N4BP1: variants seen among roughly 807,000 people sequenced by gnomAD.
N4BP1 encodes NEDD4-binding protein 1.
N4BP1 carries 21 observed loss-of-function variants against 70.9 expected under a neutral mutation model. That is an observed-to-expected ratio of 0.30 (90% confidence interval 0.21 to 0.43). The LOEUF is 0.43. Among genes scored for constraint, N4BP1 ranks in the 20% least tolerant of loss-of-function variants. The probability of loss-of-function intolerance (pLI) is 1.00; values close to 1 mark genes in which losing one functional copy is unlikely to be tolerated. For missense variants in N4BP1, 936 were observed against 1,069.4 expected (o/e 0.88, Z 1.74); for synonymous variants, 387 against 394.6 (o/e 0.98, Z 0.23).
intron 1 of N4BP1, among the ~76,000 whole-genome samples, chr16:48,573,746 AT>A (rs1488436275): frequency 6.6e-6 from 1 of 152,214 alleles, no homozygotes; most frequent in African/African-American, 2.4e-5. Context: ...CTTACTGTTG[AT>A]TAGAGGCCTC....
chr16:48,585,943 G>A (rs369310306), intron 1 of N4BP1, among the ~76,000 whole-genome samples: 31 of 152,116 alleles, frequency 2.0e-4, no homozygotes, highest in Middle Eastern at 3.4e-3. Flanking sequence ...TGATCCGCCC[G>A]CCTCGGCCTC....
At position 48,586,867 on chromosome 16, in the gene N4BP1, A is replaced by T. The variant is rs58015275; in HGVS notation, c.198+22908T>A. 1.4e-3 allele frequency among the ~76,000 whole-genome samples: 219 copies of T among 151,856 alleles called. 1 individual carries two copies. The highest frequency in any genetic ancestry group is 5.0e-3 in the African/African-American group (206 of 41,332). On this transcript the variant is annotated intron_variant, in intron 1 of 6. Transcript: ENST00000262384. ...ACTTTTGTACAGATAAAAACTTTTA[A>T]CATTTTTTTTTTTAGAGACTACACA...
At chr16:48,590,956 G>C (rs1306322716) in intron 1 of N4BP1, among the ~76,000 whole-genome samples, 1 of 152,182 alleles carries the variant, frequency 6.6e-6, no homozygotes, top group Non-Finnish European at 1.5e-5. Context: ...GCAGAGAATA[G>C]GAGGATAGTT....
intron 1 of N4BP1, among the ~76,000 whole-genome samples, chr16:48,588,381 G>C (rs1463012413): frequency 6.7e-6 from 1 of 149,584 alleles, no homozygotes; most frequent in African/African-American, 2.5e-5. Context: ...GGCAACCTTC[G>C]CCTCTCAGGT....
intron 5 of N4BP1, 32 bp from the exon 6 acceptor site, chr16:48,546,286 C>A: frequency 6.7e-7 from 1 of 1,499,894 alleles, no homozygotes; most frequent in East Asian, 2.4e-5. Context: ...GGCTGAGAGA[C>A]AGGGTCCTCA....
intron 6 of N4BP1, among the ~76,000 whole-genome samples, chr16:48,544,449 C>A (rs1018678679): frequency 2.6e-5 from 4 of 152,138 alleles, no homozygotes; most frequent in Non-Finnish European, 4.4e-5. Flanking sequence ...TCAGCTTAGA[C>A]CCCCCATCAC....
intron 1 of N4BP1, among the ~76,000 whole-genome samples, chr16:48,571,174 T>C (rs1184187635): frequency 1.3e-5 from 2 of 152,220 alleles, no homozygotes; most frequent in East Asian, 1.9e-4. Flanking sequence ...AGTAAGTGAA[T>C]AGATGAATTC....
chr16:48,553,182 G>A (rs969747655), intron 3 of N4BP1, among the ~76,000 whole-genome samples: 2 of 152,154 alleles, frequency 1.3e-5, no homozygotes, highest in East Asian at 1.9e-4. Flanking sequence ...TTAAAAAGAC[G>A]TAACTTGAAG....
chr16:48,547,236 G>A (rs573773226), intron 5 of N4BP1, among the ~76,000 whole-genome samples: 1 of 152,090 alleles, frequency 6.6e-6, no homozygotes, highest in Admixed American at 6.5e-5. Context: ...ACTTAGTGTG[G>A]GGCATGCTTA....
intron 1 of N4BP1, among the ~76,000 whole-genome samples, chr16:48,595,224 G>A (rs1449982938): frequency 6.6e-6 from 1 of 151,996 alleles, no homozygotes; most frequent in Non-Finnish European, 1.5e-5. Context: ...CACTTTGGGA[G>A]GCTGAGGCGG....
At chr16:48,580,126 A>G (rs892040704) in intron 1 of N4BP1, among the ~76,000 whole-genome samples, 3 of 152,056 alleles carry the variant, frequency 2.0e-5, no homozygotes, top group Admixed American at 1.3e-4. Flanking sequence ...AATAAATGAA[A>G]CAGAGACTAT....
intron 2 of N4BP1, among the ~76,000 whole-genome samples, chr16:48,554,084 C>G (rs755286737): frequency 7.3e-5 from 11 of 151,168 alleles, no homozygotes; most frequent in Non-Finnish European, 1.6e-4. Flanking sequence ...TTACAGCTTA[C>G]GAGAAACACG....
At chr16:48,563,829 C>T (rs1963898022) in intron 1 of N4BP1, among the ~76,000 whole-genome samples, 1 of 152,216 alleles carries the variant, frequency 6.6e-6, no homozygotes, top group Admixed American at 6.5e-5. Flanking sequence ...AGTCTCAATA[C>T]ATATAATAAT....
chr16:48,577,994 G>T, intron 1 of N4BP1: 1 of 155,550 alleles, frequency 6.4e-6, no homozygotes, highest in South Asian at 1.7e-4. Context: ...CACTAGACGT[G>T]ACCGTTCTAG....
chr16:48,579,767 A>T (rs761983590), intron 1 of N4BP1, among the ~76,000 whole-genome samples: 1 of 152,228 alleles, frequency 6.6e-6, no homozygotes, highest in Non-Finnish European at 1.5e-5. Flanking sequence ...AAGGGATGGA[A>T]AAAGGTATTT....
intron 1 of N4BP1, among the ~76,000 whole-genome samples, chr16:48,606,571 A>G (rs1964585069): frequency 6.6e-6 from 1 of 152,200 alleles, no homozygotes; most frequent in African/African-American, 2.4e-5. Flanking sequence ...ACTGCTTTCT[A>G]CGACAAATCT....
intron 1 of N4BP1, among the ~76,000 whole-genome samples, chr16:48,573,527 A>C (rs1448396922): frequency 2.0e-5 from 3 of 152,130 alleles, no homozygotes; most frequent in Non-Finnish European, 4.4e-5. Context: ...TGGGAGGCGG[A>C]GGTTGCAGTG....
At chr16:48,549,783 G>A (rs1292119547) in intron 4 of N4BP1, among the ~76,000 whole-genome samples, 1 of 152,118 alleles carries the variant, frequency 6.6e-6, no homozygotes, top group African/African-American at 2.4e-5. Flanking sequence ...CTCTGCCCAG[G>A]CCCTCTTTTC....
intron 1 of N4BP1, among the ~76,000 whole-genome samples, chr16:48,564,079 T>C (rs779291772): frequency 6.6e-6 from 1 of 152,224 alleles, no homozygotes; most frequent in Non-Finnish European, 1.5e-5. Context: ...TATTTTCTAA[T>C]TGTTTTTTTA....
Sources: allele counts gnomAD v4.1 joint callset (sites outside exome capture counted in the v4.1 genomes callset), GRCh38; gene constraint gnomAD v4.1.1; transcripts MANE v1.5; gene names NCBI Gene and HGNC (gene_info 2026-07-23, HGNC 2026-07-21).